The following TRDN variants were observed in gnomAD, a reference collection of about 807,000 sequenced individuals.
The protein encoded by TRDN is triadin in skeletal muscle.
In TRDN, 161 loss-of-function variants were observed where a neutral mutation model predicts 149.7. The observed-to-expected ratio is 1.08, with a 90% CI of 0.95 to 1.23. The LOEUF is 1.23. Among genes scored for constraint, TRDN ranks in the 50% most tolerant of loss-of-function variants. TRDN has a pLI of 0.00. For synonymous variants in TRDN, 294 were observed against 250.5 expected (o/e 1.17, Z -1.64); for missense variants, 896 against 823.5 (o/e 1.09, Z -1.08).
At chr6:123,512,189 A>G in intron 7 of TRDN, 114 bp downstream of exon 7, 1 of 587,718 alleles carries the variant, frequency 1.7e-6, no homozygotes, top group Non-Finnish European at 2.9e-6. Context: ...AGACCAAATT[A>G]ACTTTTTAAT....
intron 30 of TRDN, among the ~76,000 whole-genome samples, 188 bp from the exon 31 acceptor site, chr6:123,270,054 T>A (rs942207898): frequency 6.6e-6 from 1 of 152,030 alleles, no homozygotes; most frequent in Non-Finnish European, 1.5e-5. Context: ...AAAAAACTAG[T>A]AAGACACATG....
chr6:123,251,647 C>A (rs1392727331), intron 38 of TRDN, among the ~76,000 whole-genome samples: 2 of 151,540 alleles, frequency 1.3e-5, no homozygotes, highest in East Asian at 3.9e-4. Context: ...ATATATGTCA[C>A]ATTTTATATT....
intron 38 of TRDN, among the ~76,000 whole-genome samples, chr6:123,238,914 C>G (rs1343124215): frequency 6.6e-6 from 1 of 152,172 alleles, no homozygotes; most frequent in East Asian, 1.9e-4. Context: ...AATCTCTGCT[C>G]ACTGCAAACT....
rs1444820609 is a variant in TRDN at position 123,218,040 on chromosome 6, G to A, written c.*561C>T. 1 of 151,844 alleles carries A rather than the reference G, an allele frequency of 6.6e-6. No individual in the cohort carries two copies. Among genetic ancestry groups the A allele is most frequent in the Admixed American group, 6.6e-5 (1 of 15,206 alleles). The allele number at this position is 151,844 out of a possible 1,614,324, so 9.4% of individuals were successfully genotyped here. A position where few individuals can be genotyped will look rare whatever the true frequency, so the allele number is the denominator to read the frequency against. On this transcript the variant is annotated 3_prime_UTR_variant, in exon 41 of 41. Coordinates refer to ENST00000334268, the MANE Select transcript of TRDN (RefSeq NM_006073.4). Reference sequence around the variant, plus strand: ...AGAGTATCACAAGAAATTTATAGCAGTCTGTAGTACAACTATTACCCATTC... The same window carrying A: ...AGAGTATCACAAGAAATTTATAGCAATCTGTAGTACAACTATTACCCATTC...
At chr6:123,222,026 AT>A (rs1775166540) in intron 39 of TRDN, among the ~76,000 whole-genome samples, 1 of 151,610 alleles carries the variant, frequency 6.6e-6, no homozygotes, top group Non-Finnish European at 1.5e-5. Context: ...CTGACTATTT[AT>A]TTATTTTTGC....
chr6:123,316,334 A>AT, intron 24 of TRDN, 123 bp downstream of exon 24: 2 of 906,326 alleles, frequency 2.2e-6, no homozygotes, highest in Non-Finnish European at 3.5e-6. Context: ...TAGCATCAGT[A>AT]TTTTTTTAAT....
chr6:123,272,730 A>G (rs1482493631), intron 29 of TRDN, among the ~76,000 whole-genome samples: 2 of 151,900 alleles, frequency 1.3e-5, no homozygotes, highest in Admixed American at 6.6e-5. Flanking sequence ...TTTTTGTGCA[A>G]AGCTAACTCT....
intron 9 of TRDN, among the ~76,000 whole-genome samples, chr6:123,465,888 C>A (rs1776773780): frequency 6.6e-6 from 1 of 152,196 alleles, no homozygotes; most frequent in South Asian, 2.1e-4. Flanking sequence ...ACCTGCCTTA[C>A]TGAAAGTTTT....
At chr6:123,563,266 G>A (rs1782097006) in intron 2 of TRDN, among the ~76,000 whole-genome samples, 1 of 152,152 alleles carries the variant, frequency 6.6e-6, no homozygotes, top group African/African-American at 2.4e-5. Context: ...CAGCAAAATT[G>A]TGCGACAGAT....
intron 12 of TRDN, among the ~76,000 whole-genome samples, chr6:123,409,950 G>A (rs1455833184): frequency 2.0e-5 from 3 of 152,186 alleles, no homozygotes; most frequent in Non-Finnish European, 4.4e-5. Context: ...TTGTAAGAGA[G>A]AGTGGGTTGA....
At chr6:123,264,277 C>T (rs1292595591) in intron 33 of TRDN, among the ~76,000 whole-genome samples, 3 of 152,036 alleles carry the variant, frequency 2.0e-5, no homozygotes, top group Non-Finnish European at 4.4e-5. Context: ...GTCCAAATGT[C>T]AGTATCAACA....
intron 27 of TRDN, among the ~76,000 whole-genome samples, chr6:123,273,850 T>G (rs1777284723): frequency 6.6e-6 from 1 of 152,060 alleles, no homozygotes; most frequent in Non-Finnish European, 1.5e-5. Flanking sequence ...TTTTTGAACT[T>G]GCCTCAGGTC....
chr6:123,624,559 A>G (rs1361490029), intron 1 of TRDN, among the ~76,000 whole-genome samples: 1 of 152,150 alleles, frequency 6.6e-6, no homozygotes, highest in African/African-American at 2.4e-5. Context: ...GGCTTGGTCT[A>G]TGGACCCTGT....
At chr6:123,253,986 C>A (rs946379914) in intron 37 of TRDN, among the ~76,000 whole-genome samples, 1 of 152,002 alleles carries the variant, frequency 6.6e-6, no homozygotes, top group African/African-American at 2.4e-5. Context: ...AACTTGGAGC[C>A]AAATCTTGTC....
chr6:123,432,487 A>G (rs180946605), intron 12 of TRDN, among the ~76,000 whole-genome samples: 6 of 152,130 alleles, frequency 3.9e-5, no homozygotes, highest in Non-Finnish European at 8.8e-5. Context: ...TAATTTCTCA[A>G]TTATCTTTTC....
intron 14 of TRDN, among the ~76,000 whole-genome samples, chr6:123,383,860 G>A (rs1781810550): frequency 6.6e-6 from 1 of 151,862 alleles, no homozygotes; most frequent in Non-Finnish European, 1.5e-5. Context: ...TATTTGTAAG[G>A]GGAAAAAACT....
intron 12 of TRDN, among the ~76,000 whole-genome samples, chr6:123,430,577 T>C (rs1478661322): frequency 6.6e-6 from 1 of 151,784 alleles, no homozygotes; most frequent in Non-Finnish European, 1.5e-5. Context: ...CAAGACTCTG[T>C]CTCAAAAAAA....
At chr6:123,497,400 A>G in intron 8 of TRDN, 148 bp from the exon 9 acceptor site, 1 of 509,954 alleles carries the variant, frequency 2.0e-6, no homozygotes, top group Non-Finnish European at 3.4e-6. Context: ...ATTTGCACTT[A>G]TATGAAAATA....
At chr6:123,307,821 G>A (rs1237732573) in intron 24 of TRDN, among the ~76,000 whole-genome samples, 1 of 151,580 alleles carries the variant, frequency 6.6e-6, no homozygotes, top group Non-Finnish European at 1.5e-5. Flanking sequence ...GTTGTTCTCG[G>A]TTCTTTTCTT....
Sources: gnomAD v4.1 joint callset for allele counts (sites outside exome capture counted in the v4.1 genomes callset) on GRCh38, gnomAD v4.1.1 for gene constraint, MANE v1.5 for transcripts, NCBI Gene and HGNC (gene_info 2026-07-23, HGNC 2026-07-21) for gene names.